Variants in KCNU1 observed in about 807,000 individuals in gnomAD.
The protein encoded by KCNU1 is potassium calcium-activated channel subfamily U member 1.
A neutral mutation model predicts 126.8 loss-of-function variants in KCNU1; 93 were observed. That is an observed-to-expected ratio of 0.73 (90% CI 0.62 to 0.87). KCNU1 has a LOEUF of 0.87. Among genes scored for constraint, KCNU1 ranks in the 40% least tolerant of loss-of-function variants. The pLI is 0.00. For synonymous variants in KCNU1, 523 were observed against 494.2 expected (o/e 1.06, Z -0.77); for missense variants, 1,330 against 1,367.1 (o/e 0.97, Z 0.43).
intron 19 of KCNU1, among the ~76,000 whole-genome samples, chr8:36,884,354 A>G (rs1806606710): frequency 6.6e-6 from 1 of 152,228 alleles, no homozygotes; most frequent in African/African-American, 2.4e-5. Context: ...TCACATCATA[A>G]TGACCCGTGA....
chr8:36,930,794 C>T (rs1383385366), intron 24 of KCNU1, among the ~76,000 whole-genome samples, 157 bp from the exon 25 acceptor site: 1 of 152,110 alleles, frequency 6.6e-6, no homozygotes, highest in Non-Finnish European at 1.5e-5. Context: ...AAACTGCCAT[C>T]CTTCAGCTGC....
chr8:36,919,452 G>A (rs1233747459), intron 23 of KCNU1, among the ~76,000 whole-genome samples: 6 of 137,978 alleles, frequency 4.3e-5, no homozygotes, highest in East Asian at 2.2e-4. Flanking sequence ...AAAAACTCTC[G>A]AAGAATTAAC....
chr8:36,804,377 A>G (rs551139624), intron 3 of KCNU1, among the ~76,000 whole-genome samples: 2 of 152,250 alleles, frequency 1.3e-5, no homozygotes, highest in Non-Finnish European at 2.9e-5. Flanking sequence ...ACCAGCCTTC[A>G]GCTTTCTTTC....
intron 19 of KCNU1, among the ~76,000 whole-genome samples, chr8:36,886,101 T>C (rs566620264): frequency 6.6e-6 from 1 of 152,280 alleles, no homozygotes; most frequent in Non-Finnish European, 1.5e-5. Flanking sequence ...AAGTGAATTA[T>C]AGTTGAAAGA....
intron 24 of KCNU1, among the ~76,000 whole-genome samples, chr8:36,925,182 G>A (rs1169004850): frequency 6.6e-6 from 1 of 152,138 alleles, no homozygotes; most frequent in Non-Finnish European, 1.5e-5. Context: ...GTGCTATATA[G>A]AGAATAAAGG....
intron 10 of KCNU1, among the ~76,000 whole-genome samples, chr8:36,818,398 G>A (rs867966052): frequency 3.3e-5 from 5 of 151,930 alleles, no homozygotes; most frequent in Middle Eastern, 3.2e-3. Context: ...TGGATTACCT[G>A]TTGCTTTATT....
At chr8:36,879,211 GTA>G (rs34121138) in intron 19 of KCNU1, among the ~76,000 whole-genome samples, 3,534 of 101,742 alleles carry the variant, frequency 0.035, 97 homozygotes, top group African/African-American at 0.075. Flanking sequence ...GTGTGTGTGT[GTA>G]TATATATATA....
chr8:36,796,849 C>T (rs893848290), intron 2 of KCNU1, among the ~76,000 whole-genome samples: 1 of 151,994 alleles, frequency 6.6e-6, no homozygotes, highest in African/African-American at 2.4e-5. Context: ...TTTTAATTTG[C>T]CAGGAGAATG....
intron 20 of KCNU1, among the ~76,000 whole-genome samples, chr8:36,906,986 T>C (rs1807654408): frequency 6.6e-6 from 1 of 152,150 alleles, no homozygotes; most frequent in South Asian, 2.1e-4. Flanking sequence ...ACGATGGAAA[T>C]AGCAGAAGTT....
chr8:36,839,475 G>A (rs954944438), intron 14 of KCNU1, among the ~76,000 whole-genome samples: 2 of 152,190 alleles, frequency 1.3e-5, no homozygotes, highest in Admixed American at 6.5e-5. Flanking sequence ...CGCCTCATGA[G>A]AGGACTTTAA....
chr8:36,867,724 T>G (rs1035408504), intron 19 of KCNU1, among the ~76,000 whole-genome samples: 4 of 152,190 alleles, frequency 2.6e-5, no homozygotes, highest in African/African-American at 9.6e-5. Flanking sequence ...TTCTTTCTAT[T>G]CTTTAGCACA....
Position 36,853,242 on chromosome 8 carries a change from C to T in KCNU1, c.1891+7343C>T, listed in dbSNP as rs542147495. The stretch of plus-strand genomic sequence containing the variant: ...GCACATGCTTGTAGTCCCGGCTACT[C>T]GGGAGGCTGAGGCAGGAGAGTCACT... On this transcript the variant is annotated intron_variant, in intron 18 of 26. Transcript: ENST00000399881. 1.5e-4 allele frequency among the ~76,000 whole-genome samples: 23 copies of T among 152,098 alleles called. 4 individuals are homozygous for T. The highest frequency in any genetic ancestry group is 4.1e-4 in the African/African-American group (17 of 41,506).
chr8:36,922,849 G>C, intron 24 of KCNU1: 1 of 596,382 alleles, frequency 1.7e-6, no homozygotes, highest in Non-Finnish European at 3.0e-6. Context: ...TGAGGCCCTT[G>C]CAGCCAGAAC....
rs1416954892 is a variant in KCNU1 at position 36,807,438 on chromosome 8, C to T, written c.644C>T (p.Ala215Val). ...CCTCAAATCTTGCAAATTCTACGAG[C>T]CATCAAGACCAGGTAAATAGCCCTG... ...ELPQILQILR[A>V]IKTSNSVKFS... The change falls in exon 6 of 27, where the codon GCC (alanine) becomes GTC (valine). Residue 215 changes from alanine to valine, a missense_variant. This residue lies in a region of KCNU1 where 247 missense variants were observed against 255.4 expected (regional missense o/e 0.97). Coordinates refer to ENST00000399881, the MANE Select transcript of KCNU1 (RefSeq NM_001031836.3). 6.2e-7 allele frequency: 1 copy of T among 1,611,706 alleles called. No homozygotes were observed. Among genetic ancestry groups the T allele is most frequent in the African/African-American group, 1.3e-5 (1 of 74,826 alleles).
chr8:36,809,137 T>C (rs1334479405), intron 7 of KCNU1, among the ~76,000 whole-genome samples: 2 of 152,126 alleles, frequency 1.3e-5, no homozygotes, highest in African/African-American at 4.8e-5. Flanking sequence ...TGAAGCCAGT[T>C]ACAGGATTTC....
At chr8:36,807,287 G>T in intron 5 of KCNU1, 88 bp from the exon 6 acceptor site, 1 of 883,170 alleles carries the variant, frequency 1.1e-6, no homozygotes, top group East Asian at 2.4e-5. Flanking sequence ...GAAAAAGAAT[G>T]TAAGTGATTC....
intron 18 of KCNU1, among the ~76,000 whole-genome samples, chr8:36,858,185 A>G (rs1805599906): frequency 6.6e-6 from 1 of 151,468 alleles, no homozygotes; most frequent in Non-Finnish European, 1.5e-5. Flanking sequence ...GCAAAAAAAA[A>G]AAAAAAAAAA....
intron 1 of KCNU1, among the ~76,000 whole-genome samples, chr8:36,786,811 A>G (rs774187642): frequency 2.6e-5 from 4 of 152,228 alleles, no homozygotes; most frequent in Non-Finnish European, 5.9e-5. Context: ...GAAGGATTAT[A>G]ATTTCAGAAT....
chr8:36,889,054 T>C lies in KCNU1; in HGVS notation c.2010-16654T>C, dbSNP rs891672685. 9.1e-5 allele frequency: 46 copies of C among 506,186 alleles called. 1 individual carries two copies. The highest frequency in any genetic ancestry group is 8.0e-4 in the African/African-American group (41 of 51,498). The allele number at this position is 506,186 out of a possible 1,614,324, so 31.4% of individuals were successfully genotyped here. A position where few individuals can be genotyped will look rare whatever the true frequency, so the allele number is the denominator to read the frequency against. Reference sequence around the variant, plus strand: ...CCACCATGCCCAGCTAATTATTGTATTTTTAGTAGAGACAGGGTTTCACCA... The same window carrying C: ...CCACCATGCCCAGCTAATTATTGTACTTTTAGTAGAGACAGGGTTTCACCA... On this transcript the variant is annotated intron_variant, in intron 19 of 26. Transcript: ENST00000399881.
Sources: allele counts gnomAD v4.1 joint callset (sites outside exome capture counted in the v4.1 genomes callset), GRCh38; gene constraint gnomAD v4.1.1; regional missense constraint gnomAD v4.1.1; transcripts MANE v1.5; gene names NCBI Gene and HGNC (gene_info 2026-07-23, HGNC 2026-07-21).